Variants in GOLGB1 observed in about 807,000 individuals in gnomAD.
GOLGB1 encodes golgin subfamily B member 1.
Under a neutral mutation model 336.9 loss-of-function variants are expected in GOLGB1, and 174 were observed. That is an observed-to-expected ratio of 0.52 (90% CI 0.46 to 0.59). GOLGB1 has a LOEUF of 0.59. GOLGB1 is among the 20% of genes least tolerant of loss of function. The pLI is 0.00. For synonymous variants in GOLGB1, 1,208 were observed against 1,289.2 expected (o/e 0.94, Z 1.35); for missense variants, 3,331 against 3,645.3 (o/e 0.91, Z 2.22).
At chr3:121,741,872 T>C (rs576927533) in intron 1 of GOLGB1, among the ~76,000 whole-genome samples, 1 of 152,300 alleles carries the variant, frequency 6.6e-6, no homozygotes, top group East Asian at 1.9e-4. Context: ...AAAAGAAGGT[T>C]TTCTTAGAGA....
At chr3:121,712,995 C>T (rs1313058221) in intron 10 of GOLGB1, among the ~76,000 whole-genome samples, 1 of 152,090 alleles carries the variant, frequency 6.6e-6, no homozygotes. Flanking sequence ...AACCCTGTCT[C>T]TACTAAAAAT....
intron 1 of GOLGB1, among the ~76,000 whole-genome samples, chr3:121,735,350 GATCTA>G (rs565355938): frequency 5.5e-4 from 83 of 152,292 alleles, no homozygotes; most frequent in African/African-American, 1.9e-3. Flanking sequence ...GTGACAAATA[GATCTA>G]ACTATATTAT....
rs1348656632 is a variant in GOLGB1, at chr3:121,690,757, C to A, written c.8607G>T (p.Arg2869Ser). 1.3e-6 allele frequency: 2 copies of A among 1,580,400 alleles called. No individual in the cohort carries two copies. The highest frequency in any genetic ancestry group is 1.2e-5 in the South Asian group (1 of 83,342). The part of the protein sequence containing the change: ...KFRKSEEGKQ[R>S]SAAQPSTSPA... ...GGCTGGTGGAAGGCTGAGCTGCAGA[C>A]CTCTGCTTCCCTTCCTCTGACTTTC... The change falls in exon 14 of 22, where the codon AGG becomes AGT. Residue 2869 changes from arginine (R) to serine (S), a missense_variant. Transcript: ENST00000614479.
chr3:121,686,748 G>A (rs1250374245), intron 14 of GOLGB1, among the ~76,000 whole-genome samples: 1 of 152,100 alleles, frequency 6.6e-6, no homozygotes, highest in East Asian at 1.9e-4. Context: ...AAGACAATCA[G>A]GCAATCACGA....
At chr3:121,739,386 T>A (rs1946701810) in intron 1 of GOLGB1, among the ~76,000 whole-genome samples, 1 of 151,900 alleles carries the variant, frequency 6.6e-6, no homozygotes, top group African/African-American at 2.4e-5. Context: ...CAGAGAGCCA[T>A]GCTCAAAAAA....
chr3:121,749,575 G>A (rs1434727743), intron 1 of GOLGB1, 57 bp downstream of exon 1: 1 of 152,294 alleles, frequency 6.6e-6, no homozygotes, highest in African/African-American at 2.4e-5. Context: ...CCCCTCTGGC[G>A]GGGGTGACCG....
chr3:121,692,686 A>G lies in GOLGB1; in HGVS notation c.6783-105T>C, dbSNP rs1942557879. 6 of 628,576 alleles carry G rather than the reference A, an allele frequency of 9.5e-6. No individual in the cohort carries two copies. In the South Asian group the frequency reaches 1.3e-4, roughly 14 times the overall value. The allele number at this position is 628,576 out of a possible 1,614,324, so 38.9% of individuals were successfully genotyped here. A position where few individuals can be genotyped will look rare whatever the true frequency, so the allele number is the denominator to read the frequency against. The stretch of plus-strand genomic sequence containing the variant: ...ACTCAATAGATTTACAAATGAATTA[A>G]CATTCATAACAGGTGTTAAATATTT... On this transcript the variant is annotated intron_variant, in intron 13 of 21. Coordinates refer to ENST00000614479, the MANE Select transcript of GOLGB1 (RefSeq NM_001366282.2).
Position 121,669,272 on chromosome 3 carries a change from G to C in GOLGB1, c.9261C>G (p.His3087Gln). The change falls in exon 18 of 22, where the codon CAC (histidine) becomes CAG (glutamine). Residue 3087 changes from histidine to glutamine, a missense_variant. His to Gln is a conservative substitution (Grantham distance 24). Transcript: ENST00000614479. ...TSQSLRENQQ[H>Q]YGDLLNHCAV... ...CACAGTGATTTAAAAGGTCACCATAGTGCTGCTGGTTCTCACGAAGACTCT... is the reference window on the plus strand; with the variant it reads ...CACAGTGATTTAAAAGGTCACCATACTGCTGCTGGTTCTCACGAAGACTCT... 1 of 1,613,934 alleles carries C rather than the reference G, an allele frequency of 6.2e-7. No individual in the cohort carries two copies. Among genetic ancestry groups the C allele is most frequent in the South Asian group, 1.1e-5 (1 of 91,062 alleles).
rs145216362 is a variant in GOLGB1, at chr3:121,683,161, C to T, written c.8695-1296G>A. 7.2e-4 allele frequency among the ~76,000 whole-genome samples: 108 copies of T among 149,160 alleles called. 1 individual carries two copies. In the South Asian group the frequency reaches 0.016, roughly 22 times the overall value. ...AAGTGATCCCTCCACCTTGGCCTCCCGAAGTGCTGGGATTACAGGCGTGAG... is the reference window on the plus strand; with the variant it reads ...AAGTGATCCCTCCACCTTGGCCTCCTGAAGTGCTGGGATTACAGGCGTGAG... On this transcript the variant is annotated intron_variant, in intron 14 of 21. Coordinates refer to ENST00000614479, the MANE Select transcript of GOLGB1 (RefSeq NM_001366282.2).
At chr3:121,680,016 G>A (rs1355101066) in intron 15 of GOLGB1, among the ~76,000 whole-genome samples, 1 of 152,152 alleles carries the variant, frequency 6.6e-6, no homozygotes, top group African/African-American at 2.4e-5. Context: ...CGGATAGCCT[G>A]GACTTTTACC....
intron 4 of GOLGB1, among the ~76,000 whole-genome samples, chr3:121,728,933 C>T (rs1276824467): frequency 1.3e-5 from 2 of 152,070 alleles, no homozygotes; most frequent in East Asian, 3.9e-4. Flanking sequence ...TTATTTCTTC[C>T]TGTAAGCCTT....
chr3:121,681,808 C>T lies in GOLGB1; in HGVS notation c.8752G>A (p.Glu2918Lys). The T allele has an allele frequency of 1.9e-6, 3 of 1,605,446 alleles. No homozygotes were observed. Among genetic ancestry groups the T allele is most frequent in the Non-Finnish European group, 2.6e-6 (3 of 1,172,338 alleles). The change falls in exon 15 of 22, where the codon GAG becomes AAG. Residue 2918 changes from glutamate to lysine, a missense_variant. Physicochemically the swap from Glu to Lys is moderately conservative, Grantham distance 56. Transcript: ENST00000614479. ...QYLQINQEIT[E>K]LHPLKAQLQE... ...AGTTGAGCCTTCAGTGGATGTAACT[C>T]AGTGATCTCTTGATTAATCTGTAAG...
At chr3:121,702,025 G>A (rs1352135285) in intron 11 of GOLGB1, among the ~76,000 whole-genome samples, 1 of 152,176 alleles carries the variant, frequency 6.6e-6, no homozygotes, top group African/African-American at 2.4e-5. Flanking sequence ...AAAGGAGCAG[G>A]ATTCTAAGCA....
chr3:121,684,851 CT>C (rs1941551852), intron 14 of GOLGB1, among the ~76,000 whole-genome samples: 1 of 152,002 alleles, frequency 6.6e-6, no homozygotes, highest in African/African-American at 2.4e-5. Context: ...AATAGGAGAT[CT>C]AATATAGGAG....
Position 121,697,057 on chromosome 3 carries a change from A to T in GOLGB1, c.3466T>A (p.Cys1156Ser). The T allele has an allele frequency of 6.2e-7, 1 of 1,613,900 alleles. No individual in the cohort carries two copies. The highest frequency in any genetic ancestry group is 1.1e-5 in the South Asian group (1 of 91,082). ...VKETVVISPP[C>S]TGSSEHWKPE... The stretch of plus-strand genomic sequence containing the variant: ...TTCCAGTGTTCACTACTACCTGTAC[A>T]AGGTGGACTTATCACCACTGTTTCC... The change falls in exon 13 of 22, where the codon TGT (cysteine) becomes AGT (serine). Residue 1156 changes from cysteine to serine, a missense_variant. Physicochemically the swap from Cys to Ser is moderately radical, Grantham distance 112. Transcript: ENST00000614479.
intron 17 of GOLGB1, among the ~76,000 whole-genome samples, chr3:121,673,686 G>GCTATCTATCTATCTAT (rs59292082): frequency 3.4e-5 from 5 of 145,564 alleles, no homozygotes; most frequent in Non-Finnish European, 6.1e-5. Context: ...AAATGGGATT[G>GCTATCTATCTATCTAT]CTATCTATCT....
intron 10 of GOLGB1, among the ~76,000 whole-genome samples, chr3:121,704,776 C>CA (rs71133560): frequency 0.77 from 82,732 of 106,984 alleles, 32,592 homozygotes; most frequent in East Asian, 0.92. Flanking sequence ...AACTCCATCT[C>CA]AAAAAAAAAA....
chr3:121,677,160 G>T, intron 16 of GOLGB1, 125 bp downstream of exon 16: 1 of 1,239,698 alleles, frequency 8.1e-7, no homozygotes. Flanking sequence ...TGGCAGATGG[G>T]CACTTAATTT....
intron 14 of GOLGB1, 49 bp from the exon 15 acceptor site, chr3:121,681,914 C>T: frequency 1.5e-6 from 2 of 1,316,008 alleles, no homozygotes; most frequent in South Asian, 2.4e-5. Context: ...TCTCATTCAT[C>T]TAACTGTAAG....
Sources: gnomAD v4.1 joint callset for allele counts (sites outside exome capture counted in the v4.1 genomes callset) on GRCh38, gnomAD v4.1.1 for gene constraint, MANE v1.5 for transcripts, NCBI Gene and HGNC (gene_info 2026-07-23, HGNC 2026-07-21) for gene names.